Variants in KIAA1958 observed in about 807,000 individuals in gnomAD.
KIAA1958 encodes the protein uncharacterized protein KIAA1958.
A neutral mutation model predicts 47.2 loss-of-function variants in KIAA1958; 14 were observed. The observed-to-expected ratio is 0.30, with a 90% CI of 0.20 to 0.46. The LOEUF (loss-of-function observed/expected upper bound fraction) is 0.46, where lower values mean the gene tolerates loss of function less well. Ranked by LOEUF, KIAA1958 falls within the 20% of genes least tolerant of loss-of-function variation. The pLI is 1.00. For synonymous variants in KIAA1958, 354 were observed against 353.3 expected (o/e 1.00, Z -0.02); for missense variants, 803 against 909.2 (o/e 0.88, Z 1.50).
intron 2 of KIAA1958, among the ~76,000 whole-genome samples, chr9:112,601,736 A>G (rs1330540663): frequency 6.6e-6 from 1 of 152,182 alleles, no homozygotes; most frequent in East Asian, 1.9e-4. Context: ...AAGTACTGGT[A>G]AATTTTGTGT....
intron 1 of KIAA1958, among the ~76,000 whole-genome samples, chr9:112,547,377 CAAAAAAAA>C (rs58406658): frequency 1.2e-5 from 1 of 84,024 alleles, no homozygotes. Flanking sequence ...GACTCTGTCT[CAAAAAAAA>C]AAAAAAAAAA....
chr9:112,649,387 G>C (rs1588053819), intron 3 of KIAA1958, among the ~76,000 whole-genome samples: 1 of 151,568 alleles, frequency 6.6e-6, no homozygotes, highest in East Asian at 1.9e-4. Flanking sequence ...CAAACTCCTG[G>C]GCTCAAGCTA....
At chr9:112,524,364 T>C (rs1372709154) in intron 1 of KIAA1958, among the ~76,000 whole-genome samples, 1 of 152,254 alleles carries the variant, frequency 6.6e-6, no homozygotes, top group Admixed American at 6.5e-5. Context: ...GCTCCGCGCT[T>C]GAAGGGGGTC....
intron 2 of KIAA1958, among the ~76,000 whole-genome samples, chr9:112,623,280 A>T (rs1417104118): frequency 6.6e-6 from 1 of 152,148 alleles, no homozygotes; most frequent in African/African-American, 2.4e-5. Flanking sequence ...AAGTTGTTTC[A>T]CTTAATTCTC....
intron 1 of KIAA1958, among the ~76,000 whole-genome samples, chr9:112,541,429 G>T (rs1451748251): frequency 6.6e-6 from 1 of 152,072 alleles, no homozygotes; most frequent in African/African-American, 2.4e-5. Context: ...GTGATAATCA[G>T]CCCACAGGAC....
At chr9:112,563,057 CTGTCTCTG>C (rs1835362845) in intron 1 of KIAA1958, among the ~76,000 whole-genome samples, 1 of 86,426 alleles carries the variant, frequency 1.2e-5, no homozygotes, top group South Asian at 4.3e-4. Context: ...CTCTCTCTCT[CTGTCTCTG>C]TCTCTCTCTC....
At chr9:112,506,030 A>T (rs762297770) in intron 1 of KIAA1958, among the ~76,000 whole-genome samples, 1 of 152,262 alleles carries the variant, frequency 6.6e-6, no homozygotes, top group Non-Finnish European at 1.5e-5. Flanking sequence ...CTGAACTCAT[A>T]TAATGGATAT....
intron 2 of KIAA1958, among the ~76,000 whole-genome samples, chr9:112,576,148 G>A (rs921923578): frequency 2.0e-5 from 3 of 152,116 alleles, no homozygotes; most frequent in Non-Finnish European, 4.4e-5. Context: ...ATCCTGAAAC[G>A]TCCTTGGATT....
In KIAA1958 at chr9:112,645,800, A is replaced by G; in HGVS notation, c.1322A>G (p.Lys441Arg). 1 of 1,613,456 alleles carries G rather than the reference A, an allele frequency of 6.2e-7. No individual in the cohort carries two copies. The highest frequency in any genetic ancestry group is 1.7e-5 in the Admixed American group (1 of 59,824). Residue 441 changes from lysine to arginine, a missense_variant, in exon 3 of 4, where the codon AAA (lysine) becomes AGA (arginine). Coordinates refer to ENST00000337530, the MANE Select transcript of KIAA1958 (RefSeq NM_133465.4). Reference sequence around the variant, plus strand: ...TATTGGTGCATGACCAACGGGCTCAAAGACCACACAGACATCACCAAGGTA... The same window carrying G: ...TATTGGTGCATGACCAACGGGCTCAGAGACCACACAGACATCACCAAGGTA... ...WRYWCMTNGL[K>R]DHTDITKIPA...
chr9:112,555,120 T>C (rs991829093), intron 1 of KIAA1958, among the ~76,000 whole-genome samples: 5 of 152,008 alleles, frequency 3.3e-5, no homozygotes, highest in African/African-American at 1.2e-4. Context: ...CCAGAAAAAT[T>C]AGTGGGTGAG....
At chr9:112,594,105 T>C (rs1835974904) in intron 2 of KIAA1958, among the ~76,000 whole-genome samples, 1 of 152,026 alleles carries the variant, frequency 6.6e-6, no homozygotes, top group Non-Finnish European at 1.5e-5. Flanking sequence ...CTTCCAACAG[T>C]CCTTCCACCT....
At chr9:112,500,583 G>A (rs143185487) in intron 1 of KIAA1958, among the ~76,000 whole-genome samples, 1 of 151,944 alleles carries the variant, frequency 6.6e-6, no homozygotes, top group African/African-American at 2.4e-5. Context: ...AGCCACCGTG[G>A]TCAGCCTAGT....
At chr9:112,634,510 C>G (rs1227965554) in intron 2 of KIAA1958, among the ~76,000 whole-genome samples, 1 of 152,140 alleles carries the variant, frequency 6.6e-6, no homozygotes, top group Non-Finnish European at 1.5e-5. Flanking sequence ...GGATTACAGG[C>G]GTGAGCCACC....
At chr9:112,513,337 CA>C (rs1834355068) in intron 1 of KIAA1958, among the ~76,000 whole-genome samples, 1 of 145,444 alleles carries the variant, frequency 6.9e-6, no homozygotes, top group African/African-American at 2.6e-5. Flanking sequence ...GCAAGTGAGA[CA>C]AGAGTAGGCC....
rs542736923 is a variant in KIAA1958 at position 112,493,808 on chromosome 9, C to T, written c.-25+6690C>T. Reference sequence around the variant, plus strand: ...TTTGACTGAATAAAAATACTTGACTCACATTTTTTTTCCCCTCAACTATCT... The same window carrying T: ...TTTGACTGAATAAAAATACTTGACTTACATTTTTTTTCCCCTCAACTATCT... On this transcript the variant is annotated intron_variant, in intron 1 of 3. Coordinates refer to ENST00000337530, the MANE Select transcript of KIAA1958 (RefSeq NM_133465.4). Among the ~76,000 whole-genome samples, 3 of 152,294 alleles carry T rather than the reference C, an allele frequency of 2.0e-5. No homozygotes were observed. The East Asian group carries it at 5.8e-4, about 29-fold the overall frequency.
chr9:112,543,628 A>G (rs1296722396), intron 1 of KIAA1958, among the ~76,000 whole-genome samples: 2 of 144,502 alleles, frequency 1.4e-5, no homozygotes, highest in African/African-American at 5.2e-5. Flanking sequence ...GCTAGAGTGC[A>G]GTGGCATGAT....
intron 2 of KIAA1958, among the ~76,000 whole-genome samples, chr9:112,595,646 C>A (rs1254406995): frequency 1.4e-5 from 2 of 142,614 alleles, no homozygotes; most frequent in African/African-American, 2.6e-5. Context: ...CCACTGGCAT[C>A]CAACCTGGGC....
At chr9:112,503,407 A>C (rs1164379243) in intron 1 of KIAA1958, among the ~76,000 whole-genome samples, 1 of 151,988 alleles carries the variant, frequency 6.6e-6, no homozygotes, top group East Asian at 1.9e-4. Context: ...TAATCCCAGC[A>C]CTTTGGCAGG....
chr9:112,550,007 C>G (rs1290143134), intron 1 of KIAA1958, among the ~76,000 whole-genome samples: 1 of 152,174 alleles, frequency 6.6e-6, no homozygotes, highest in East Asian at 1.9e-4. Flanking sequence ...CAAAGATCTA[C>G]TAGAGTTGAG....
Sources: gnomAD v4.1 joint callset for allele counts (sites outside exome capture counted in the v4.1 genomes callset) on GRCh38, gnomAD v4.1.1 for gene constraint, MANE v1.5 for transcripts, NCBI Gene and HGNC (gene_info 2026-07-23, HGNC 2026-07-21) for gene names.